Variants in GPC5 observed in about 807,000 individuals in gnomAD.
GPC5 encodes glypican 5, also known as glypican-5.
In GPC5, 47 loss-of-function variants were observed where a neutral mutation model predicts 53.9. The ratio of observed to expected loss-of-function variants is 0.87; its 90% confidence interval spans 0.69 to 1.11. GPC5 has a LOEUF of 1.11. GPC5 is among the 50% of genes most tolerant of loss of function. The pLI is 0.00. For synonymous variants in GPC5, 286 were observed against 263.3 expected (o/e 1.09, Z -0.84); for missense variants, 748 against 713.1 (o/e 1.05, Z -0.56).
At chr13:91,938,129 T>C (rs571892364) in intron 6 of GPC5, among the ~76,000 whole-genome samples, 10 of 152,188 alleles carry the variant, frequency 6.6e-5, no homozygotes, top group African/African-American at 1.7e-4. Flanking sequence ...TAAAAAGGAA[T>C]ATCTGAGATG....
chr13:91,574,656 C>A (rs759550093), intron 2 of GPC5, among the ~76,000 whole-genome samples: 9 of 152,038 alleles, frequency 5.9e-5, no homozygotes, highest in Non-Finnish European at 1.3e-4. Context: ...GCATGCCTAG[C>A]GTGTGCCAAG....
At chr13:91,846,536 T>C (rs981146685) in intron 5 of GPC5, among the ~76,000 whole-genome samples, 1 of 152,134 alleles carries the variant, frequency 6.6e-6, no homozygotes, top group African/African-American at 2.4e-5. Context: ...TTAGGGCTCC[T>C]AGATCCTTTG....
At position 91,448,927 on chromosome 13, in the gene GPC5, G is replaced by A; in HGVS notation, c.325+5G>A. 1 of 1,611,608 alleles carries A rather than the reference G, an allele frequency of 6.2e-7. No individual in the cohort carries two copies. The highest frequency in any genetic ancestry group is 8.5e-7 in the Non-Finnish European group (1 of 1,178,844). ...GAAATGCGGCTGCTTTTCAAGGTAA[G>A]TGGATCTTGAATTCTGCAACTAAGG... On this transcript the variant is annotated splice_donor_5th_base_variant and intron_variant, in intron 2 of 7. Coordinates refer to ENST00000377067, the MANE Select transcript of GPC5 (RefSeq NM_004466.6).
intron 6 of GPC5, among the ~76,000 whole-genome samples, chr13:92,134,869 T>G (rs2041771093): frequency 1.3e-5 from 2 of 152,168 alleles, no homozygotes; most frequent in Admixed American, 6.5e-5. Context: ...CGTGTGTGTG[T>G]GGGCAAATGA....
At chr13:91,962,195 C>T (rs935216932) in intron 6 of GPC5, among the ~76,000 whole-genome samples, 1 of 152,058 alleles carries the variant, frequency 6.6e-6, no homozygotes, top group African/African-American at 2.4e-5. Flanking sequence ...TGAAAACAGG[C>T]TGAAGTGTGC....
intron 2 of GPC5, among the ~76,000 whole-genome samples, chr13:91,683,045 A>G (rs9589333): frequency 6.6e-6 from 1 of 152,126 alleles, no homozygotes; most frequent in Non-Finnish European, 1.5e-5. Flanking sequence ...GGGGAAAAAA[A>G]AAAAGGTCTT....
At chr13:91,400,296 T>A (rs904014600) in intron 1 of GPC5, among the ~76,000 whole-genome samples, 1 of 152,184 alleles carries the variant, frequency 6.6e-6, no homozygotes, top group Non-Finnish European at 1.5e-5. Flanking sequence ...CCGCTTTTCT[T>A]GATTGCTTTG....
chr13:92,035,198 G>A (rs185961093), intron 6 of GPC5, among the ~76,000 whole-genome samples: 25 of 135,752 alleles, frequency 1.8e-4, no homozygotes, highest in Admixed American at 6.4e-4. Flanking sequence ...CTGGGCGACA[G>A]AGCGAGACTC....
At chr13:92,062,839 C>T (rs2041135903) in intron 6 of GPC5, among the ~76,000 whole-genome samples, 1 of 151,890 alleles carries the variant, frequency 6.6e-6, no homozygotes, top group South Asian at 2.1e-4. Flanking sequence ...AATTTATATG[C>T]AGTGTAACAT....
intron 2 of GPC5, among the ~76,000 whole-genome samples, chr13:91,514,835 T>C (rs984866987): frequency 3.3e-5 from 5 of 152,220 alleles, no homozygotes; most frequent in Non-Finnish European, 5.9e-5. Flanking sequence ...ACAGTTTTTA[T>C]ATCTCATACT....
chr13:92,833,117 A>G (rs1878105583), intron 7 of GPC5, among the ~76,000 whole-genome samples: 1 of 152,198 alleles, frequency 6.6e-6, no homozygotes, highest in Non-Finnish European at 1.5e-5. Context: ...TTGAGTTAAT[A>G]TATAAAATGT....
At chr13:92,791,420 T>TGC in intron 7 of GPC5, among the ~76,000 whole-genome samples, 1 of 119,408 alleles carries the variant, frequency 8.4e-6, no homozygotes, top group Non-Finnish European at 1.6e-5. Context: ...TGTGTGTGAG[T>TGC]GTGTGGGGGG....
At chr13:91,428,280 CAGAA>C (rs745319285) in intron 1 of GPC5, among the ~76,000 whole-genome samples, 4 of 152,062 alleles carry the variant, frequency 2.6e-5, no homozygotes, top group Non-Finnish European at 4.4e-5. Flanking sequence ...TTCTGAGTGA[CAGAA>C]AGAAAGCCCT....
chr13:92,108,460 C>G (rs1424990575), intron 6 of GPC5, among the ~76,000 whole-genome samples: 1 of 152,174 alleles, frequency 6.6e-6, no homozygotes, highest in Non-Finnish European at 1.5e-5. Context: ...GCCTGCAGGG[C>G]TGGGATTTTA....
At chr13:92,662,673 C>T (rs899093011) in intron 7 of GPC5, among the ~76,000 whole-genome samples, 2 of 152,190 alleles carry the variant, frequency 1.3e-5, no homozygotes, top group African/African-American at 2.4e-5. Context: ...CGTGAAGTGC[C>T]TGGGAGTTTA....
chr13:92,429,321 C>T (rs550665891), intron 7 of GPC5, among the ~76,000 whole-genome samples: 10 of 152,000 alleles, frequency 6.6e-5, no homozygotes, highest in Non-Finnish European at 1.5e-4. Flanking sequence ...ATAGTCGCCA[C>T]ATTTCATATT....
chr13:92,296,671 G>A (rs2139191238), intron 7 of GPC5, among the ~76,000 whole-genome samples: 1 of 152,300 alleles, frequency 6.6e-6, no homozygotes, highest in African/African-American at 2.4e-5. Flanking sequence ...GGAGGGAGAG[G>A]CGCGAGCGGG....
intron 7 of GPC5, among the ~76,000 whole-genome samples, chr13:92,576,690 C>A (rs767930530): frequency 7.9e-4 from 120 of 152,242 alleles, no homozygotes; most frequent in Admixed American, 1.2e-3. Flanking sequence ...TCAGAAAATA[C>A]CATCCATCCC....
chr13:91,535,550 T>A lies in GPC5; in HGVS notation c.325+86628T>A, dbSNP rs140451404. Among the ~76,000 whole-genome samples the A allele has an allele frequency of 4.6e-5, 7 of 152,328 alleles. No individual in the cohort carries two copies. The East Asian group carries it at 1.3e-3, about 29-fold the overall frequency. On this transcript the variant is annotated intron_variant, in intron 2 of 7. Coordinates refer to ENST00000377067, the MANE Select transcript of GPC5 (RefSeq NM_004466.6). Reference sequence around the variant, plus strand: ...TATTTATTCATTTATTTAACCTTGATCATTCAAAAAACCAATTATTCCTGG... The same window carrying A: ...TATTTATTCATTTATTTAACCTTGAACATTCAAAAAACCAATTATTCCTGG...
Sources: gnomAD v4.1 joint callset for allele counts (sites outside exome capture counted in the v4.1 genomes callset) on GRCh38, gnomAD v4.1.1 for gene constraint, MANE v1.5 for transcripts, NCBI Gene and HGNC (gene_info 2026-07-23, HGNC 2026-07-21) for gene names.